CTPS2: variants seen among roughly 807,000 people sequenced by gnomAD.
CTPS2 encodes CTP synthase 2.
In CTPS2, 19 loss-of-function variants were observed where a neutral mutation model predicts 46.8. The observed-to-expected ratio is 0.41, with a 90% CI of 0.28 to 0.60. CTPS2 has a LOEUF of 0.60. Among genes scored for constraint, CTPS2 ranks in the 20% least tolerant of loss-of-function variants. CTPS2 has a pLI of 0.35. For missense variants in CTPS2, 286 were observed against 447.6 expected, an observed-to-expected ratio of 0.64 and a Z score of 3.26; for synonymous variants, 151 against 165.2, an observed-to-expected ratio of 0.91 and a Z score of 0.66.
chrX:16,639,834 A>AAGAAAGAAAG, intron 13 of CTPS2, among the ~76,000 whole-genome samples: 1 of 109,408 alleles, frequency 9.1e-6, no homozygotes, highest in South Asian at 4.0e-4. Flanking sequence ...AGAAAGAAGA[A>AAGAAAGAAAG]AAGAAAAGGA....
intron 14 of CTPS2, among the ~76,000 whole-genome samples, chrX:16,628,640 A>G (rs1218426174): frequency 8.9e-6 from 1 of 111,917 alleles, no homozygotes; most frequent in African/African-American, 3.3e-5. Flanking sequence ...TGCTGGGATT[A>G]CAGACGTAAG....
At chrX:16,598,119 C>T (rs1414279599) in intron 17 of CTPS2, among the ~76,000 whole-genome samples, 2 of 110,820 alleles carry the variant, frequency 1.8e-5, no homozygotes, top group South Asian at 3.8e-4. Flanking sequence ...AAATCCAAAA[C>T]TGACACCCTA....
intron 14 of CTPS2, among the ~76,000 whole-genome samples, chrX:16,632,473 G>A (rs1167306091): frequency 9.3e-6 from 1 of 107,815 alleles, no homozygotes; most frequent in African/African-American, 3.4e-5. Flanking sequence ...CTAGGCTGGA[G>A]TGCAGTGGCA....
chrX:16,705,426 G>A (rs767376062), intron 1 of CTPS2, among the ~76,000 whole-genome samples: 43 of 111,438 alleles, frequency 3.9e-4, no homozygotes, highest in Non-Finnish European at 7.3e-4. Context: ...GTGGACTTGC[G>A]TGCCTTCATG....
intron 17 of CTPS2, among the ~76,000 whole-genome samples, chrX:16,601,572 CG>C (rs5901589): frequency 0.25 from 17,084 of 69,291 alleles, 1,834 homozygotes; most frequent in South Asian, 0.41. Flanking sequence ...GGGAAGCCAT[CG>C]GGGGGGGGGG....
At chrX:16,693,743 T>A (rs1161249835) in intron 4 of CTPS2, among the ~76,000 whole-genome samples, 1 of 111,034 alleles carries the variant, frequency 9.0e-6, no homozygotes, top group Non-Finnish European at 1.9e-5. Flanking sequence ...TGAGTCATGA[T>A]CATCCCACTG....
At chrX:16,609,802 T>C (rs1930174333) in intron 16 of CTPS2, 117 bp from the exon 17 acceptor site, 1 of 741,731 alleles carries the variant, frequency 1.3e-6, no homozygotes, top group Non-Finnish European at 1.9e-6. Flanking sequence ...CTTTAACCTG[T>C]TATCATTACA....
chrX:16,672,917 C>T (rs1350426518), intron 10 of CTPS2, among the ~76,000 whole-genome samples: 1 of 82,314 alleles, frequency 1.2e-5, no homozygotes, highest in East Asian at 3.8e-4. Flanking sequence ...GACGGAGTCT[C>T]GCTCTGTCGC....
intron 11 of CTPS2, among the ~76,000 whole-genome samples, chrX:16,669,032 C>A (rs1419229000): frequency 9.0e-6 from 1 of 111,440 alleles, no homozygotes; most frequent in Admixed American, 9.6e-5. Flanking sequence ...TGAGTGCCTA[C>A]AGGACGTCAG....
intron 10 of CTPS2, among the ~76,000 whole-genome samples, chrX:16,673,097 G>A (rs866407254): frequency 6.2e-4 from 66 of 107,166 alleles, no homozygotes; most frequent in African/African-American, 2.0e-3. Flanking sequence ...CGTTTTAGCC[G>A]GGATGGTCTC....
At chrX:16,670,778 G>T in intron 10 of CTPS2, 104 bp from the exon 11 acceptor site, 1 of 488,330 alleles carries the variant, frequency 2.0e-6, no homozygotes, top group Admixed American at 4.1e-5. Context: ...TAGTGACTAT[G>T]CTCAAGCTCT....
chrX:16,646,917 A>G (rs1447150474), intron 13 of CTPS2, among the ~76,000 whole-genome samples: 1 of 111,498 alleles, frequency 9.0e-6, no homozygotes, highest in African/African-American at 3.3e-5. Context: ...TTGCCTCTCC[A>G]TTTTCCCATT....
chrX:16,653,675 TA>T (rs201876261), intron 13 of CTPS2, among the ~76,000 whole-genome samples: 8,832 of 111,679 alleles, frequency 0.079, 358 homozygotes, highest in South Asian at 0.12. Flanking sequence ...TGGCAGTCTG[TA>T]TTTACTAAGG....
chrX:16,663,980 C>T (rs1001514636), intron 13 of CTPS2, among the ~76,000 whole-genome samples: 10 of 110,668 alleles, frequency 9.0e-5, no homozygotes, highest in South Asian at 3.8e-4. Flanking sequence ...GGACTACAGG[C>T]GCGTGCCACC....
At chrX:16,621,001 T>C in intron 14 of CTPS2, among the ~76,000 whole-genome samples, 1 of 111,863 alleles carries the variant, frequency 8.9e-6, no homozygotes, top group Non-Finnish European at 1.9e-5. Flanking sequence ...TAGCAAATAA[T>C]TGGAAGCAAG....
rs1385112820 is a variant in CTPS2, at chrX:16,712,322, G to A, written c.-40+13C>T. On this transcript the variant is annotated intron_variant, in intron 1 of 18. Transcript: ENST00000359276. ...GCCCTGGGGGTCTGGGACAGGCCCA[G>A]AAGGGAAGTTACCTGCGCGGTGGTG... 1 of 112,662 alleles carries A rather than the reference G, an allele frequency of 8.9e-6. No individual in the cohort carries two copies. The highest frequency in any genetic ancestry group is 1.9e-5 in the Non-Finnish European group (1 of 53,095). 9.3% of individuals were successfully genotyped at this position (112,662 alleles called of 1,213,427 possible). A position where few individuals can be genotyped will look rare whatever the true frequency, so the allele number is the denominator to read the frequency against.
At chrX:16,665,815 A>C (rs1295924338) in intron 13 of CTPS2, among the ~76,000 whole-genome samples, 9 of 112,181 alleles carry the variant, frequency 8.0e-5, no homozygotes, top group Non-Finnish European at 1.5e-4. Flanking sequence ...CAATGGCACG[A>C]TCTCAGCTCA....
At chrX:16,613,780 A>G (rs1930383544) in intron 16 of CTPS2, among the ~76,000 whole-genome samples, 1 of 111,231 alleles carries the variant, frequency 9.0e-6, no homozygotes, top group Non-Finnish European at 1.9e-5. Context: ...TTGTAGAGAC[A>G]GGATCTCACT....
intron 13 of CTPS2, chrX:16,650,972 A>T: frequency 8.5e-7 from 1 of 1,177,495 alleles, no homozygotes. Flanking sequence ...GCTTTTTGGT[A>T]AGTTTATTTT....
Sources: gnomAD v4.1 joint callset for allele counts (sites outside exome capture counted in the v4.1 genomes callset) on GRCh38, gnomAD v4.1.1 for gene constraint, MANE v1.5 for transcripts, NCBI Gene and HGNC (gene_info 2026-07-23, HGNC 2026-07-21) for gene names.